The following MGST1 variants were observed in gnomAD, a reference collection of about 807,000 sequenced individuals.
MGST1 encodes the protein microsomal glutathione S-transferase 1, also known as glutathione S-transferase 12.
MGST1 carries 5 observed loss-of-function variants against 8.9 expected under a neutral mutation model. The observed-to-expected ratio is 0.56, with a 90% CI of 0.29 to 1.19. The LOEUF (loss-of-function observed/expected upper bound fraction) is 1.19. MGST1 is among the 50% of genes most tolerant of loss of function. MGST1 has a pLI of 0.08. For synonymous variants in MGST1, 54 were observed against 67.8 expected (o/e 0.80, Z 1.00); for missense variants, 182 against 187.4 (o/e 0.97, Z 0.17).
At chr12:16,480,680 T>C (rs1253273682) in intron 4 of MGST1, among the ~76,000 whole-genome samples, 1 of 152,140 alleles carries the variant, frequency 6.6e-6, no homozygotes, top group Non-Finnish European at 1.5e-5. Flanking sequence ...AAGCCAGGGA[T>C]TGGCAAATGT....
intron 4 of MGST1, among the ~76,000 whole-genome samples, chr12:16,491,901 C>T (rs142398877): frequency 3.3e-4 from 50 of 152,168 alleles, no homozygotes; most frequent in Non-Finnish European, 5.9e-4. Flanking sequence ...TGTAAGGCCA[C>T]GTTAGTCTAT....
At chr12:16,386,261 A>G (rs746670555) in intron 1 of MGST1, among the ~76,000 whole-genome samples, 1 of 152,158 alleles carries the variant, frequency 6.6e-6, no homozygotes, top group African/African-American at 2.4e-5. Flanking sequence ...TCTTTTGGAC[A>G]TCAGTGCTGT....
intron 1 of MGST1, among the ~76,000 whole-genome samples, chr12:16,404,464 A>G (rs561202257): frequency 6.6e-6 from 1 of 151,940 alleles, no homozygotes; most frequent in Non-Finnish European, 1.5e-5. Flanking sequence ...ATTTATACCT[A>G]TGATTCAAGT....
intron 4 of MGST1, among the ~76,000 whole-genome samples, chr12:16,501,787 C>A (rs961662272): frequency 1.3e-5 from 2 of 152,082 alleles, no homozygotes; most frequent in African/African-American, 4.8e-5. Flanking sequence ...ACATTTTTAT[C>A]TCCATAAGAG....
intron 4 of MGST1, among the ~76,000 whole-genome samples, chr12:16,474,190 T>C (rs1367835184): frequency 6.6e-6 from 1 of 152,222 alleles, no homozygotes; most frequent in Admixed American, 6.5e-5. Flanking sequence ...TTGTAGCTGC[T>C]TAACATTGTG....
intron 1 of MGST1, among the ~76,000 whole-genome samples, chr12:16,428,055 T>G (rs925031678): frequency 6.6e-6 from 1 of 151,950 alleles, no homozygotes; most frequent in Non-Finnish European, 1.5e-5. Flanking sequence ...TCCTAGAGTT[T>G]TGTAACCTTT....
chr12:16,566,249 G>A (rs1271174445), intron 4 of MGST1, among the ~76,000 whole-genome samples: 1 of 151,394 alleles, frequency 6.6e-6, no homozygotes, highest in Non-Finnish European at 1.5e-5. Flanking sequence ...GGGAAAGGGA[G>A]CAGAGAGGGA....
intron 4 of MGST1, among the ~76,000 whole-genome samples, chr12:16,471,767 G>A (rs999102855): frequency 2.0e-5 from 3 of 152,160 alleles, no homozygotes; most frequent in African/African-American, 4.8e-5. Flanking sequence ...TGGCCAGAAT[G>A]TAGGCCTACA....
At chr12:16,495,267 G>C (rs545926776) in intron 4 of MGST1, among the ~76,000 whole-genome samples, 3 of 152,066 alleles carry the variant, frequency 2.0e-5, no homozygotes, top group Admixed American at 6.6e-5. Context: ...CTAAACATTG[G>C]GTCCTCAAGG....
chr12:16,457,104 G>C (rs1489968912), intron 4 of MGST1, among the ~76,000 whole-genome samples: 1 of 151,832 alleles, frequency 6.6e-6, no homozygotes, highest in East Asian at 1.9e-4. Context: ...AGAGACTCAT[G>C]GTTTCTGCAT....
chr12:16,434,154 T>C (rs910562404), intron 1 of MGST1, among the ~76,000 whole-genome samples: 1 of 152,070 alleles, frequency 6.6e-6, no homozygotes, highest in Non-Finnish European at 1.5e-5. Flanking sequence ...ATATTTCTTT[T>C]ATAGGAACAA....
chr12:16,374,969 C>T (rs753705212), intron 3 of MGST1, among the ~76,000 whole-genome samples: 18 of 152,314 alleles, frequency 1.2e-4, no homozygotes, highest in Admixed American at 4.6e-4. Flanking sequence ...TAAGCTCAAA[C>T]TCCTGGGCTC....
At chr12:16,485,563 C>T (rs1048714978) in intron 4 of MGST1, among the ~76,000 whole-genome samples, 3 of 152,204 alleles carry the variant, frequency 2.0e-5, no homozygotes, top group Non-Finnish European at 2.9e-5. Flanking sequence ...AATCCTCAGA[C>T]ATTATGTATT....
intron 4 of MGST1, among the ~76,000 whole-genome samples, chr12:16,569,900 A>G (rs892143574): frequency 6.6e-6 from 1 of 152,186 alleles, no homozygotes; most frequent in Non-Finnish European, 1.5e-5. Flanking sequence ...ATAGAAACAA[A>G]TATTTTATCT....
chr12:16,451,427 C>T (rs949112996), intron 4 of MGST1, among the ~76,000 whole-genome samples: 1 of 151,752 alleles, frequency 6.6e-6, no homozygotes, highest in Admixed American at 6.6e-5. Context: ...TTATGCATTA[C>T]ATATTTCAAA....
chr12:16,350,035 C>T (rs966026139), intron 1 of MGST1, among the ~76,000 whole-genome samples: 3 of 152,158 alleles, frequency 2.0e-5, no homozygotes, highest in Non-Finnish European at 4.4e-5. Flanking sequence ...TGAGCCACCG[C>T]GCTCGGCCCC....
At chr12:16,473,197 C>A (rs930056168) in intron 4 of MGST1, among the ~76,000 whole-genome samples, 1 of 152,166 alleles carries the variant, frequency 6.6e-6, no homozygotes, top group Non-Finnish European at 1.5e-5. Flanking sequence ...CACATTCCCC[C>A]CATCCCCAGG....
chr12:16,551,741 T>TA (rs1339724860), intron 4 of MGST1, among the ~76,000 whole-genome samples: 7 of 151,974 alleles, frequency 4.6e-5, no homozygotes, highest in African/African-American at 1.7e-4. Flanking sequence ...AGGCACTTAA[T>TA]AAAAAAGTAA....
chr12:16,396,538 T>C, intron 1 of MGST1, among the ~76,000 whole-genome samples: 1 of 152,108 alleles, frequency 6.6e-6, no homozygotes, highest in Non-Finnish European at 1.5e-5. Flanking sequence ...TAGAAAATCC[T>C]AAAGACTCCT....
Sources: gnomAD v4.1 joint callset for allele counts (sites outside exome capture counted in the v4.1 genomes callset) on GRCh38, gnomAD v4.1.1 for gene constraint, MANE v1.5 for transcripts, NCBI Gene and HGNC (gene_info 2026-07-23, HGNC 2026-07-21) for gene names.